RARB: variants seen among roughly 807,000 people sequenced by gnomAD.
RARB encodes HBV-activated protein.
In RARB, 17 loss-of-function variants were observed where a neutral mutation model predicts 51.9. The observed-to-expected ratio is 0.33, with a 90% CI of 0.22 to 0.49. The LOEUF is 0.49. RARB is among the 20% of genes least tolerant of loss of function. The pLI is 0.99. For missense variants in RARB, 369 were observed against 550.8 expected (o/e 0.67, Z 3.30); for synonymous variants, 215 against 195.4 (o/e 1.10, Z -0.84).
Position 25,110,332 on chromosome 3 carries a change from G to A in RARB, c.-327-21829G>A, listed in dbSNP as rs1030394068. 5.3e-5 allele frequency among the ~76,000 whole-genome samples: 8 copies of A among 152,294 alleles called. No individual in the cohort carries two copies. The South Asian group carries it at 6.2e-4, about 12-fold the overall frequency. On this transcript the variant is annotated intron_variant, in intron 3 of 11. Coordinates refer to the RARB transcript ENST00000383772. ...TACTTTTCTAAGGGCATGCATATGT[G>A]TTATCTCATTTAAGCCTTGATTTTG...
intron 3 of RARB, among the ~76,000 whole-genome samples, chr3:25,113,486 T>C (rs1699636682): frequency 6.6e-6 from 1 of 152,222 alleles, no homozygotes; most frequent in Non-Finnish European, 1.5e-5. Flanking sequence ...CTTCTGAGTA[T>C]AAGGCCTAAG....
chr3:25,075,006 T>C (rs771417522), intron 3 of RARB, among the ~76,000 whole-genome samples: 3 of 152,210 alleles, frequency 2.0e-5, no homozygotes, highest in Non-Finnish European at 4.4e-5. Flanking sequence ...CTGAAAATAA[T>C]GTGTCAATTC....
chr3:24,989,948 C>T (rs1187441110), intron 2 of RARB, among the ~76,000 whole-genome samples: 3 of 95,808 alleles, frequency 3.1e-5, no homozygotes, highest in Admixed American at 1.3e-4. Context: ...TACAGGCGCC[C>T]GCCACCGCGC....
At chr3:24,921,943 G>A (rs1329002587) in intron 2 of RARB, among the ~76,000 whole-genome samples, 2 of 152,170 alleles carry the variant, frequency 1.3e-5, no homozygotes, top group Admixed American at 1.3e-4. Context: ...AGGCTTACCT[G>A]CCCAACATTG....
chr3:25,195,225 C>G (rs1701203028), intron 5 of RARB, among the ~76,000 whole-genome samples: 1 of 151,818 alleles, frequency 6.6e-6, no homozygotes, highest in East Asian at 1.9e-4. Context: ...CTGAAGATAT[C>G]CATTTCTTGG....
chr3:24,916,835 C>A (rs193002210), intron 2 of RARB, among the ~76,000 whole-genome samples: 1 of 149,538 alleles, frequency 6.7e-6, no homozygotes, highest in East Asian at 2.0e-4. Flanking sequence ...GGGAAACAGG[C>A]CAGGTGTCCA....
chr3:25,476,681 G>C (rs1394055655), intron 2 of RARB, among the ~76,000 whole-genome samples: 1 of 152,178 alleles, frequency 6.6e-6, no homozygotes, highest in Non-Finnish European at 1.5e-5. Flanking sequence ...GAGAGACCCA[G>C]TCGTGGGCCT....
rs200966514 is a variant in RARB at position 25,401,327 on chromosome 3, G to A, written c.179-59866G>A. On this transcript the variant is annotated intron_variant, in intron 5 of 11. Transcript: ENST00000383772. ...ATACCTAGATTTACCTTCAGAAAGG[G>A]TGAAGCCTCTCTGAAGAATGATAGC... Among the ~76,000 whole-genome samples the A allele has an allele frequency of 9.2e-5, 14 of 152,234 alleles. No homozygotes were observed. The East Asian group carries it at 1.9e-3, about 21-fold the overall frequency.
chr3:24,979,794 G>A (rs754838015), intron 2 of RARB, among the ~76,000 whole-genome samples: 3 of 152,032 alleles, frequency 2.0e-5, no homozygotes, highest in Non-Finnish European at 4.4e-5. Flanking sequence ...ATATTGTTAC[G>A]TGTGAATTTG....
chr3:25,229,972 A>G (rs531317763), intron 5 of RARB, among the ~76,000 whole-genome samples: 143 of 152,272 alleles, frequency 9.4e-4, no homozygotes, highest in Non-Finnish European at 1.8e-3. Context: ...ATGATAAAAC[A>G]TATTTCTAGA....
intron 5 of RARB, among the ~76,000 whole-genome samples, chr3:25,197,425 G>A (rs181585922): frequency 7.2e-5 from 11 of 151,988 alleles, no homozygotes; most frequent in South Asian, 2.1e-4. Flanking sequence ...ATTCGTCTAC[G>A]TATCTGTTTT....
intron 2 of RARB, among the ~76,000 whole-genome samples, chr3:24,992,972 GAA>G (rs1696946055): frequency 6.6e-6 from 1 of 151,812 alleles, no homozygotes; most frequent in Non-Finnish European, 1.5e-5. Context: ...CTTTTTAAAT[GAA>G]AAATTTTGAG....
chr3:25,193,446 A>G (rs1309250489), intron 5 of RARB, among the ~76,000 whole-genome samples: 2 of 152,018 alleles, frequency 1.3e-5, no homozygotes, highest in African/African-American at 4.8e-5. Context: ...TCAGAAATCA[A>G]TTATCTGAGT....
At chr3:24,994,036 G>A (rs1346716998) in intron 2 of RARB, among the ~76,000 whole-genome samples, 1 of 152,158 alleles carries the variant, frequency 6.6e-6, no homozygotes, top group Non-Finnish European at 1.5e-5. Context: ...TGGAATTGCT[G>A]GGGCATATGG....
chr3:25,421,890 G>T (rs1172751133), intron 5 of RARB, among the ~76,000 whole-genome samples: 1 of 152,134 alleles, frequency 6.6e-6, no homozygotes, highest in Admixed American at 6.5e-5. Context: ...TAAACTCTGT[G>T]GCCCCACCTA....
chr3:25,318,718 C>T lies in RARB; in HGVS notation c.179-142475C>T, dbSNP rs1007942723. On this transcript the variant is annotated intron_variant, in intron 5 of 11. Transcript: ENST00000383772. ...GTCTTCTTGAAAGAATGATTTTCTCCCAACCACACAGCCACCATAACAGTG... is the reference window on the plus strand; with the variant it reads ...GTCTTCTTGAAAGAATGATTTTCTCTCAACCACACAGCCACCATAACAGTG... Among the ~76,000 whole-genome samples, 4 of 152,108 alleles carry T rather than the reference C, an allele frequency of 2.6e-5. No individual in the cohort carries two copies. The South Asian group carries it at 6.2e-4, about 24-fold the overall frequency.
chr3:25,043,021 G>C (rs1057216598), intron 2 of RARB, among the ~76,000 whole-genome samples: 4 of 152,208 alleles, frequency 2.6e-5, no homozygotes, highest in African/African-American at 9.7e-5. Context: ...GCAGTTTTGT[G>C]AATTGGATGT....
intron 2 of RARB, among the ~76,000 whole-genome samples, chr3:24,880,746 C>G (rs549216021): frequency 7.9e-5 from 12 of 152,146 alleles, no homozygotes; most frequent in Non-Finnish European, 1.6e-4. Context: ...TTCCATCATA[C>G]CAGACACTAA....
chr3:25,142,727 T>A (rs1406376963), intron 4 of RARB, among the ~76,000 whole-genome samples: 1 of 152,056 alleles, frequency 6.6e-6, no homozygotes, highest in African/African-American at 2.4e-5. Flanking sequence ...AAATGCTGCC[T>A]CCCAGAAAGC....
Sources: allele counts gnomAD v4.1 joint callset (sites outside exome capture counted in the v4.1 genomes callset), GRCh38; gene constraint gnomAD v4.1.1; transcripts MANE v1.5; gene names NCBI Gene and HGNC (gene_info 2026-07-23, HGNC 2026-07-21).